Variants in FER observed in about 807,000 individuals in gnomAD.
The protein encoded by FER is FER tyrosine kinase, also known as tyrosine-protein kinase Fer.
Under a neutral mutation model 111.0 loss-of-function variants are expected in FER, and 63 were observed. That is an observed-to-expected ratio of 0.57 (90% CI 0.46 to 0.70). The LOEUF (loss-of-function observed/expected upper bound fraction) is 0.70, where lower values mean the gene tolerates loss of function less well. FER is among the 30% of genes least tolerant of loss of function. The probability of loss-of-function intolerance (pLI) is 0.00; values close to 1 mark genes in which losing one functional copy is unlikely to be tolerated. For synonymous variants in FER, 327 were observed against 313.9 expected, an observed-to-expected ratio of 1.04 and a Z score of -0.44; for missense variants, 914 against 954.0, an observed-to-expected ratio of 0.96 and a Z score of 0.55.
At chr5:109,143,662 C>T (rs1275512417) in intron 17 of FER, among the ~76,000 whole-genome samples, 1 of 151,696 alleles carries the variant, frequency 6.6e-6, no homozygotes, top group African/African-American at 2.4e-5. Flanking sequence ...AATTGTACCA[C>T]TTATTTACTT....
intron 5 of FER, among the ~76,000 whole-genome samples, chr5:108,839,340 T>C (rs112544356): frequency 5.7e-4 from 86 of 152,210 alleles, no homozygotes; most frequent in African/African-American, 1.5e-3. Context: ...TCCTAGGTGA[T>C]TGTCAAATCA....
chr5:108,992,246 A>G (rs1332684362), intron 13 of FER, among the ~76,000 whole-genome samples: 1 of 152,270 alleles, frequency 6.6e-6, no homozygotes, highest in Non-Finnish European at 1.5e-5. Context: ...CTAGTACAGA[A>G]CAAAATGAAA....
rs577895586 is a variant in FER at position 108,977,176 on chromosome 5, T to C, written c.1656+17829T>C. Among the ~76,000 whole-genome samples, 3 of 152,340 alleles carry C rather than the reference T, an allele frequency of 2.0e-5. No individual in the cohort carries two copies. In the East Asian group the frequency reaches 5.8e-4, roughly 29 times the overall value. On this transcript the variant is annotated intron_variant, in intron 13 of 19. Coordinates refer to ENST00000281092, the MANE Select transcript of FER (RefSeq NM_005246.4). The stretch of plus-strand genomic sequence containing the variant: ...ACAGTAGTAATGTATGTACTACAGT[T>C]AATTTTATGCAGTTGTGATTTAATA...
intron 17 of FER, among the ~76,000 whole-genome samples, chr5:109,103,908 T>G (rs533200992): frequency 7.4e-4 from 112 of 152,348 alleles, no homozygotes; most frequent in Middle Eastern, 6.8e-3. Flanking sequence ...TTCAGGTTTA[T>G]TTCTAAAAGT....
At chr5:109,057,909 C>G (rs1186469425) in intron 16 of FER, among the ~76,000 whole-genome samples, 2 of 152,068 alleles carry the variant, frequency 1.3e-5, no homozygotes, top group Admixed American at 6.6e-5. Context: ...TAAAATGAGA[C>G]AGAAACATTA....
chr5:109,087,504 T>C (rs1777696539), intron 16 of FER, among the ~76,000 whole-genome samples: 1 of 151,848 alleles, frequency 6.6e-6, no homozygotes, highest in South Asian at 2.1e-4. Context: ...TATGTTTGTC[T>C]TTTTATCTTA....
At chr5:108,982,933 T>C (rs897164484) in intron 13 of FER, among the ~76,000 whole-genome samples, 18 of 152,110 alleles carry the variant, frequency 1.2e-4, no homozygotes, top group Non-Finnish European at 2.5e-4. Flanking sequence ...GGTTCTGTTG[T>C]CTTAAATGGC....
intron 5 of FER, among the ~76,000 whole-genome samples, chr5:108,843,723 TTCACCA>T (rs1284428051): frequency 2.0e-5 from 3 of 151,992 alleles, no homozygotes; most frequent in African/African-American, 7.3e-5. Flanking sequence ...GAGATGGGGT[TTCACCA>T]TGTTGGCCAG....
chr5:109,191,030 G>A lies in FER; in HGVS notation c.*3455G>A, dbSNP rs1398887041. 6.6e-6 allele frequency: 1 copy of A among 152,058 alleles called. No individual in the cohort carries two copies. The highest frequency in any genetic ancestry group is 2.4e-5 in the African/African-American group (1 of 41,408). The allele number at this position is 152,058 out of a possible 1,614,324, so 9.4% of individuals were successfully genotyped here. ...AGTTTTCCCATATAACTTTTGTGAA[G>A]ATTGGCTAGTACCACAAAATAACTA... On this transcript the variant is annotated 3_prime_UTR_variant, in exon 20 of 20. Transcript: ENST00000281092.
intron 16 of FER, among the ~76,000 whole-genome samples, chr5:109,072,504 C>T (rs1036491590): frequency 8.6e-5 from 13 of 151,752 alleles, no homozygotes; most frequent in African/African-American, 1.7e-4. Context: ...GTTGTTACAA[C>T]GAAAAATAAA....
chr5:109,123,458 T>A (rs182131926), intron 17 of FER, among the ~76,000 whole-genome samples: 4,071 of 151,818 alleles, frequency 0.027, 87 homozygotes, highest in Non-Finnish European at 0.043. Flanking sequence ...CCCAGCCTTG[T>A]TTTTTTGTTG....
intron 16 of FER, among the ~76,000 whole-genome samples, chr5:109,076,696 C>A (rs1479994080): frequency 6.6e-6 from 1 of 152,130 alleles, no homozygotes; most frequent in African/African-American, 2.4e-5. Context: ...CCTTGACCTC[C>A]CAAAGTGTTG....
intron 8 of FER, among the ~76,000 whole-genome samples, chr5:108,879,923 T>A (rs1765518543): frequency 6.6e-6 from 1 of 151,750 alleles, no homozygotes; most frequent in Non-Finnish European, 1.5e-5. Context: ...TTGGCCAGGC[T>A]GGTCTCAAAC....
At chr5:108,923,563 T>C (rs1272535313) in intron 10 of FER, among the ~76,000 whole-genome samples, 1 of 152,180 alleles carries the variant, frequency 6.6e-6, no homozygotes, top group Non-Finnish European at 1.5e-5. Flanking sequence ...ACCTGGCATC[T>C]AGTAGTTGTA....
At chr5:109,031,106 G>A (rs1769536304) in intron 13 of FER, among the ~76,000 whole-genome samples, 1 of 152,038 alleles carries the variant, frequency 6.6e-6, no homozygotes, top group Non-Finnish European at 1.5e-5. Flanking sequence ...CCCCTTGAAG[G>A]TGGTACTGGG....
intron 7 of FER, 102 bp from the exon 8 acceptor site, chr5:108,871,991 C>T (rs1368071338): frequency 1.7e-6 from 2 of 1,193,096 alleles, no homozygotes; most frequent in Non-Finnish European, 2.3e-6. Flanking sequence ...TCTTTGTTAA[C>T]ATAATTTTGG....
chr5:108,993,628 C>CGAGGGT (rs1458609433), intron 13 of FER, among the ~76,000 whole-genome samples: 3 of 111,514 alleles, frequency 2.7e-5, no homozygotes, highest in African/African-American at 1.0e-4. Flanking sequence ...AGGGCGAGGG[C>CGAGGGT]GAGGGTGAGG....
At chr5:108,912,053 C>G (rs996815615) in intron 10 of FER, among the ~76,000 whole-genome samples, 4 of 152,132 alleles carry the variant, frequency 2.6e-5, no homozygotes, top group African/African-American at 9.7e-5. Context: ...TTGCTTGGCT[C>G]TCATTCTCTC....
intron 17 of FER, among the ~76,000 whole-genome samples, chr5:109,150,798 C>G (rs1041089956): frequency 5.9e-5 from 9 of 152,090 alleles, no homozygotes; most frequent in Non-Finnish European, 1.2e-4. Flanking sequence ...TTATTGTTAT[C>G]AGAACAATCT....
Sources: gnomAD v4.1 joint callset for allele counts (sites outside exome capture counted in the v4.1 genomes callset) on GRCh38, gnomAD v4.1.1 for gene constraint, MANE v1.5 for transcripts, NCBI Gene and HGNC (gene_info 2026-07-23, HGNC 2026-07-21) for gene names.